Variants in CAP2 observed in about 807,000 individuals in gnomAD.
The protein encoded by CAP2 is adenylyl cyclase-associated protein 2.
A neutral mutation model predicts 57.7 loss-of-function variants in CAP2; 24 were observed. The ratio of observed to expected loss-of-function variants is 0.42; its 90% CI spans 0.30 to 0.58. CAP2 has a LOEUF of 0.58. Among genes scored for constraint, CAP2 ranks in the 20% least tolerant of loss-of-function variants. The pLI, the probability that CAP2 is intolerant of heterozygous loss-of-function variation, is 0.22. For missense variants in CAP2, 501 were observed against 590.3 expected (o/e 0.85, Z 1.57); for synonymous variants, 194 against 207.2 (o/e 0.94, Z 0.55).
At chr6:17,466,667 G>A (rs1424853280) in intron 4 of CAP2, among the ~76,000 whole-genome samples, 2 of 152,188 alleles carry the variant, frequency 1.3e-5, no homozygotes, top group East Asian at 1.9e-4. Context: ...GCTCCCCGGC[G>A]ATGCTGGTGC....
chr6:17,554,023 C>T (rs1763234951), intron 12 of CAP2, among the ~76,000 whole-genome samples: 1 of 152,174 alleles, frequency 6.6e-6, no homozygotes, highest in South Asian at 2.1e-4. Flanking sequence ...GGGTTCTTTA[C>T]TTCAAGATTT....
chr6:17,426,494 C>T, intron 2 of CAP2, 96 bp from the exon 3 acceptor site: 1 of 860,654 alleles, frequency 1.2e-6, no homozygotes, highest in Admixed American at 1.8e-5. Flanking sequence ...CTCGGACTCC[C>T]AAAGTGCTAG....
intron 7 of CAP2, among the ~76,000 whole-genome samples, chr6:17,522,353 T>C (rs1762411741): frequency 6.6e-6 from 1 of 152,212 alleles, no homozygotes; most frequent in South Asian, 2.1e-4. Flanking sequence ...ATTGGCTACT[T>C]ACCATGTACC....
intron 4 of CAP2, chr6:17,493,393 G>T: frequency 2.7e-6 from 1 of 368,732 alleles, no homozygotes; most frequent in South Asian, 2.1e-5. Context: ...ACAAGTTTTA[G>T]GATATAATGA....
chr6:17,413,511 T>A (rs1315295684), intron 1 of CAP2, among the ~76,000 whole-genome samples: 1 of 152,216 alleles, frequency 6.6e-6, no homozygotes, highest in Non-Finnish European at 1.5e-5. Flanking sequence ...AAATGTTTTT[T>A]AATCAGCCTT....
At chr6:17,399,417 T>C (rs1330810781) in intron 1 of CAP2, among the ~76,000 whole-genome samples, 1 of 152,226 alleles carries the variant, frequency 6.6e-6, no homozygotes, top group East Asian at 1.9e-4. Flanking sequence ...CTGTCTTTAG[T>C]AGACACTTTT....
chr6:17,518,889 C>T (rs1192174584), intron 7 of CAP2, among the ~76,000 whole-genome samples: 2 of 152,044 alleles, frequency 1.3e-5, no homozygotes, highest in South Asian at 2.1e-4. Flanking sequence ...TTGCCCACCT[C>T]GGCCTCAGAA....
chr6:17,418,779 G>T (rs1759354670), intron 1 of CAP2, among the ~76,000 whole-genome samples: 1 of 152,034 alleles, frequency 6.6e-6, no homozygotes, highest in Non-Finnish European at 1.5e-5. Context: ...AGATTTGAGG[G>T]GCTTTCATCA....
chr6:17,526,492 C>G (rs965817897), intron 7 of CAP2, among the ~76,000 whole-genome samples: 1 of 152,100 alleles, frequency 6.6e-6, no homozygotes. Context: ...ACCCATCAAC[C>G]GCCCACACCT....
At chr6:17,426,107 CA>C (rs1250184836) in intron 2 of CAP2, among the ~76,000 whole-genome samples, 1 of 151,720 alleles carries the variant, frequency 6.6e-6, no homozygotes, top group African/African-American at 2.4e-5. Flanking sequence ...AACAAACAAA[CA>C]AACAAACAAA....
rs185820175 is a variant in CAP2 at position 17,455,696 on chromosome 6, C to T, written c.223-7300C>T. On this transcript the variant is annotated intron_variant, in intron 3 of 12. Transcript: ENST00000229922. ...GACTACAGGCGCCCACCACCATGCC[C>T]GGCTAATTTTTTGTATTTTTAGTAG... Among the ~76,000 whole-genome samples, 14 of 152,208 alleles carry T rather than the reference C, an allele frequency of 9.2e-5. No homozygotes were observed. In the East Asian group the frequency reaches 1.2e-3, roughly 13 times the overall value.
chr6:17,517,275 G>A (rs1004353421), intron 7 of CAP2, among the ~76,000 whole-genome samples: 1 of 152,218 alleles, frequency 6.6e-6, no homozygotes, highest in African/African-American at 2.4e-5. Flanking sequence ...ATGCTAGCCT[G>A]TTAATTCTCT....
chr6:17,438,394 T>A (rs1300243761), intron 3 of CAP2, among the ~76,000 whole-genome samples: 1 of 148,422 alleles, frequency 6.7e-6, no homozygotes, highest in Non-Finnish European at 1.5e-5. Context: ...GAATTGCTTA[T>A]GTTGGTTTTT....
intron 1 of CAP2, among the ~76,000 whole-genome samples, chr6:17,420,574 A>G (rs550095713): frequency 2.0e-5 from 3 of 152,340 alleles, no homozygotes; most frequent in Non-Finnish European, 4.4e-5. Flanking sequence ...TCTCCCCTGG[A>G]GAATTATACT....
At chr6:17,462,911 T>C (rs1365510100) in intron 3 of CAP2, 85 bp from the exon 4 acceptor site, 3 of 1,010,710 alleles carry the variant, frequency 3.0e-6, no homozygotes, top group Non-Finnish European at 3.2e-6. Flanking sequence ...CTTGGGTATA[T>C]ACCTACGGGT....
intron 8 of CAP2, among the ~76,000 whole-genome samples, chr6:17,540,711 G>A (rs541725351): frequency 5.3e-5 from 8 of 152,030 alleles, no homozygotes; most frequent in Admixed American, 4.6e-4. Flanking sequence ...CCGAGATCAC[G>A]CCACTGCACT....
intron 7 of CAP2, among the ~76,000 whole-genome samples, chr6:17,533,939 G>C (rs75634124): frequency 0.015 from 2,306 of 152,226 alleles, 22 homozygotes; most frequent in Non-Finnish European, 0.022. Context: ...CCCAGTCTGA[G>C]GCGCTAAGAT....
chr6:17,472,007 C>T (rs887240049), intron 4 of CAP2, among the ~76,000 whole-genome samples: 4 of 152,132 alleles, frequency 2.6e-5, no homozygotes, highest in Non-Finnish European at 4.4e-5. Context: ...GATAGTCTCA[C>T]TTCATAAATA....
At chr6:17,412,535 TTC>T (rs1163187382) in intron 1 of CAP2, among the ~76,000 whole-genome samples, 1 of 152,200 alleles carries the variant, frequency 6.6e-6, no homozygotes, top group Non-Finnish European at 1.5e-5. Flanking sequence ...AGAGTTCTTT[TTC>T]CACTACATTA....
Sources: gnomAD v4.1 joint callset for allele counts (sites outside exome capture counted in the v4.1 genomes callset) on GRCh38, gnomAD v4.1.1 for gene constraint, MANE v1.5 for transcripts, NCBI Gene and HGNC (gene_info 2026-07-23, HGNC 2026-07-21) for gene names.